NXPH1: variants seen among roughly 807,000 people sequenced by gnomAD.
NXPH1 encodes neurexophilin-1.
Under a neutral mutation model 23.7 loss-of-function variants are expected in NXPH1, and 5 were observed. The observed-to-expected ratio is 0.21, with a 90% confidence interval of 0.11 to 0.44. The LOEUF (loss-of-function observed/expected upper bound fraction) is 0.44. NXPH1 is among the 20% of genes least tolerant of loss of function. NXPH1 has a pLI of 0.99. For synonymous variants in NXPH1, 144 were observed against 122.2 expected, an observed-to-expected ratio of 1.18 and a Z score of -1.18; for missense variants, 324 against 321.6, an observed-to-expected ratio of 1.01 and a Z score of -0.06.
At chr7:8,477,765 T>A (rs1029843292) in intron 2 of NXPH1, among the ~76,000 whole-genome samples, 1 of 152,154 alleles carries the variant, frequency 6.6e-6, no homozygotes, top group East Asian at 1.9e-4. Context: ...ACATGCTTTC[T>A]GAGCTGAAAA....
At chr7:8,574,115 G>T (rs1818705097) in intron 2 of NXPH1, among the ~76,000 whole-genome samples, 1 of 152,020 alleles carries the variant, frequency 6.6e-6, no homozygotes, top group Non-Finnish European at 1.5e-5. Context: ...GTATAAAAAG[G>T]CTATTCAGGT....
At chr7:8,647,507 T>A (rs1820415665) in intron 2 of NXPH1, among the ~76,000 whole-genome samples, 1 of 152,138 alleles carries the variant, frequency 6.6e-6, no homozygotes, top group Admixed American at 6.5e-5. Flanking sequence ...TTTCTTTGAT[T>A]TCATTTATGA....
chr7:8,698,766 G>A (rs116158545), intron 2 of NXPH1, among the ~76,000 whole-genome samples: 3 of 152,074 alleles, frequency 2.0e-5, no homozygotes, highest in Admixed American at 2.0e-4. Flanking sequence ...GTTATGACCA[G>A]TTTAGGCTAG....
chr7:8,655,418 C>G (rs1165657492), intron 2 of NXPH1, among the ~76,000 whole-genome samples: 3 of 12,712 alleles, frequency 2.4e-4, no homozygotes, highest in East Asian at 0.5. Context: ...CTCTCTCTCT[C>G]TCTCTCTCTC....
chr7:8,616,106 T>G (rs1819730642), intron 2 of NXPH1, among the ~76,000 whole-genome samples: 1 of 151,984 alleles, frequency 6.6e-6, no homozygotes, highest in Non-Finnish European at 1.5e-5. Context: ...TCGTAGTTCT[T>G]ATTTTGTTTT....
rs376044754 is a variant in NXPH1, at chr7:8,438,170, T to C, written c.54+2403T>C. Among the ~76,000 whole-genome samples, 7 of 152,318 alleles carry C rather than the reference T, an allele frequency of 4.6e-5. No homozygotes were observed. In the South Asian group the frequency reaches 1.4e-3, roughly 32 times the overall value. On this transcript the variant is annotated intron_variant, in intron 2 of 2. Coordinates refer to ENST00000405863, the MANE Select transcript of NXPH1 (RefSeq NM_152745.3). Reference sequence around the variant, plus strand: ...TCATTTCGGGATGGTTTTAGGCAAATAAAGAAGTAGAGAGCCTTGATTAAA... The same window carrying C: ...TCATTTCGGGATGGTTTTAGGCAAACAAAGAAGTAGAGAGCCTTGATTAAA...
intron 2 of NXPH1, among the ~76,000 whole-genome samples, chr7:8,684,607 A>T (rs748810268): frequency 3.3e-5 from 5 of 152,186 alleles, no homozygotes; most frequent in African/African-American, 4.8e-5. Context: ...ACACTTACAG[A>T]ACAGTAACTG....
At chr7:8,687,551 T>A (rs750731276) in intron 2 of NXPH1, among the ~76,000 whole-genome samples, 2 of 152,174 alleles carry the variant, frequency 1.3e-5, no homozygotes, top group African/African-American at 2.4e-5. Flanking sequence ...TCTCTGGACA[T>A]TTTTGTCCCT....
At chr7:8,570,055 C>T (rs1007495785) in intron 2 of NXPH1, among the ~76,000 whole-genome samples, 7 of 151,836 alleles carry the variant, frequency 4.6e-5, no homozygotes, top group African/African-American at 1.7e-4. Flanking sequence ...ACTGTCTTTA[C>T]CTCACTTAAC....
At chr7:8,700,010 C>A (rs1250487744) in intron 2 of NXPH1, among the ~76,000 whole-genome samples, 1 of 152,102 alleles carries the variant, frequency 6.6e-6, no homozygotes, top group Non-Finnish European at 1.5e-5. Flanking sequence ...CAGTGTGAAC[C>A]AGAGATACTG....
At chr7:8,576,672 A>G (rs1347271930) in intron 2 of NXPH1, among the ~76,000 whole-genome samples, 1 of 152,100 alleles carries the variant, frequency 6.6e-6, no homozygotes, top group African/African-American at 2.4e-5. Context: ...TGGAACAGAC[A>G]GTAGAAAAAA....
At chr7:8,443,634 C>A (rs7788356) in intron 2 of NXPH1, among the ~76,000 whole-genome samples, 2 of 152,196 alleles carry the variant, frequency 1.3e-5, no homozygotes, top group African/African-American at 2.4e-5. Flanking sequence ...TAATTATTCA[C>A]GGGGAGCAGG....
chr7:8,653,716 A>G lies in NXPH1; in HGVS notation c.55-97292A>G, dbSNP rs555664223. ...CCTCTTGAATGCAGAAAGGCAGCCC[A>G]TCTGCTTCTTTGGGTAATTTACTTC... On this transcript the variant is annotated intron_variant, in intron 2 of 2. Transcript: ENST00000405863. 1.0e-3 allele frequency among the ~76,000 whole-genome samples: 155 copies of G among 152,338 alleles called. 1 individual carries two copies. The highest frequency in any genetic ancestry group is 3.5e-3 in the African/African-American group (145 of 41,582).
intron 2 of NXPH1, among the ~76,000 whole-genome samples, chr7:8,619,487 A>T (rs1282717067): frequency 6.6e-6 from 1 of 152,146 alleles, no homozygotes. Flanking sequence ...ATATCCTTTA[A>T]AGTAATGGGA....
intron 2 of NXPH1, among the ~76,000 whole-genome samples, chr7:8,617,874 A>G (rs1396580796): frequency 2.0e-5 from 3 of 152,094 alleles, no homozygotes; most frequent in African/African-American, 7.2e-5. Flanking sequence ...CTTATTTCAC[A>G]TTGCATGCTT....
intron 2 of NXPH1, among the ~76,000 whole-genome samples, chr7:8,601,421 C>T (rs1012288776): frequency 3.3e-5 from 5 of 152,128 alleles, no homozygotes; most frequent in African/African-American, 9.7e-5. Context: ...ACAATGCTAC[C>T]AAACTGGTGT....
At chr7:8,709,605 T>A (rs1288837567) in intron 2 of NXPH1, among the ~76,000 whole-genome samples, 1 of 152,196 alleles carries the variant, frequency 6.6e-6, no homozygotes. Flanking sequence ...AAACATGGAC[T>A]AATATGTTTT....
At chr7:8,658,713 T>C (rs1750904844) in intron 2 of NXPH1, among the ~76,000 whole-genome samples, 1 of 152,338 alleles carries the variant, frequency 6.6e-6, no homozygotes, top group African/African-American at 2.4e-5. Context: ...TATTATTTTA[T>C]AGTGTTACGT....
intron 2 of NXPH1, among the ~76,000 whole-genome samples, chr7:8,649,131 T>G (rs559655321): frequency 3.1e-4 from 47 of 152,276 alleles, no homozygotes; most frequent in African/African-American, 1.1e-3. Flanking sequence ...ATACATCTCT[T>G]TAAATCAGCC....
Sources: gnomAD v4.1 joint callset for allele counts (sites outside exome capture counted in the v4.1 genomes callset) on GRCh38, gnomAD v4.1.1 for gene constraint, MANE v1.5 for transcripts, NCBI Gene and HGNC (gene_info 2026-07-23, HGNC 2026-07-21) for gene names.